PRKCA: variants seen among roughly 807,000 people sequenced by gnomAD.
The protein encoded by PRKCA is protein kinase C alpha, also known as protein kinase C alpha type.
Under a neutral mutation model 87.0 loss-of-function variants are expected in PRKCA, and 27 were observed. That is an observed-to-expected ratio of 0.31 (90% CI 0.23 to 0.43). The LOEUF is 0.43. PRKCA is among the 20% of genes least tolerant of loss of function. The pLI is 1.00. For synonymous variants in PRKCA, 329 were observed against 311.1 expected (o/e 1.06, Z -0.61); for missense variants, 518 against 852.3 (o/e 0.61, Z 4.88).
chr17:66,507,715 G>A (rs1181154883), intron 3 of PRKCA, among the ~76,000 whole-genome samples: 1 of 152,168 alleles, frequency 6.6e-6, no homozygotes, highest in Non-Finnish European at 1.5e-5. Context: ...TCCGTTTCAA[G>A]TGTCTACACC....
chr17:66,447,495 A>G (rs1914095040), intron 2 of PRKCA, among the ~76,000 whole-genome samples: 1 of 152,172 alleles, frequency 6.6e-6, no homozygotes, highest in Non-Finnish European at 1.5e-5. Flanking sequence ...TAATTTGAAT[A>G]GTAAAATGTG....
At chr17:66,305,841 A>G (rs1222469051) in intron 1 of PRKCA, among the ~76,000 whole-genome samples, 2 of 152,202 alleles carry the variant, frequency 1.3e-5, no homozygotes, top group Middle Eastern at 3.2e-3. Flanking sequence ...TATTGATAAC[A>G]TAGTATAAAA....
intron 2 of PRKCA, among the ~76,000 whole-genome samples, chr17:66,456,044 A>C (rs1359830647): frequency 6.6e-6 from 1 of 152,062 alleles, no homozygotes; most frequent in East Asian, 1.9e-4. Context: ...AGAGACACAC[A>C]GGAGGAAGGC....
intron 2 of PRKCA, among the ~76,000 whole-genome samples, chr17:66,314,849 C>T (rs1905225421): frequency 7.0e-6 from 1 of 142,128 alleles, no homozygotes. Flanking sequence ...ATTTCTTTCT[C>T]TCTCTCTCTC....
intron 2 of PRKCA, among the ~76,000 whole-genome samples, chr17:66,375,152 CA>C (rs1200098789): frequency 2.0e-5 from 3 of 152,112 alleles, no homozygotes; most frequent in Non-Finnish European, 1.5e-5. Flanking sequence ...TGGAAGATTT[CA>C]GGTGAGCAGA....
At chr17:66,671,552 A>G (rs1318641790) in intron 5 of PRKCA, among the ~76,000 whole-genome samples, 1 of 152,214 alleles carries the variant, frequency 6.6e-6, no homozygotes. Flanking sequence ...TAACAGATTA[A>G]ACTGCCCACC....
intron 5 of PRKCA, among the ~76,000 whole-genome samples, chr17:66,684,826 C>T (rs1972581353): frequency 6.6e-6 from 1 of 152,212 alleles, no homozygotes; most frequent in Non-Finnish European, 1.5e-5. Flanking sequence ...CCTTCTGCAG[C>T]CTCCAGTATT....
intron 2 of PRKCA, among the ~76,000 whole-genome samples, chr17:66,356,630 A>AG (rs1324259657): frequency 6.6e-6 from 1 of 152,214 alleles, no homozygotes; most frequent in African/African-American, 2.4e-5. Context: ...TCTCAAAAAA[A>AG]CAAAAACAAA....
At chr17:66,349,926 A>G (rs943360800) in intron 2 of PRKCA, among the ~76,000 whole-genome samples, 4 of 152,028 alleles carry the variant, frequency 2.6e-5, no homozygotes, top group African/African-American at 9.7e-5. Flanking sequence ...CCATTCCCTT[A>G]TCACATGGCG....
chr17:66,541,132 T>C (rs1314946726), intron 3 of PRKCA, among the ~76,000 whole-genome samples: 2 of 152,176 alleles, frequency 1.3e-5, no homozygotes, highest in South Asian at 2.1e-4. Flanking sequence ...TCTGATTCTT[T>C]GGAAGCACGA....
intron 8 of PRKCA, among the ~76,000 whole-genome samples, chr17:66,720,562 G>T (rs993769006): frequency 6.6e-6 from 1 of 152,206 alleles, no homozygotes. Flanking sequence ...TGCAGTGGGT[G>T]CAGGTAAAGG....
intron 2 of PRKCA, among the ~76,000 whole-genome samples, chr17:66,317,436 C>T (rs1462713423): frequency 6.6e-6 from 1 of 152,134 alleles, no homozygotes; most frequent in Admixed American, 6.5e-5. Context: ...GTACTACCAC[C>T]CCATGGGTGG....
intron 3 of PRKCA, among the ~76,000 whole-genome samples, chr17:66,579,872 TA>T (rs1030014605): frequency 5.2e-4 from 77 of 149,348 alleles, no homozygotes; most frequent in African/African-American, 1.1e-3. Flanking sequence ...CACCGAAGGT[TA>T]AAAAAAAAAT....
intron 2 of PRKCA, among the ~76,000 whole-genome samples, chr17:66,465,315 C>T (rs1915037575): frequency 6.6e-6 from 1 of 152,110 alleles, no homozygotes; most frequent in Non-Finnish European, 1.5e-5. Context: ...CTGATAGCAT[C>T]GGGTAATTCT....
At chr17:66,402,444 T>G (rs1911094178) in intron 2 of PRKCA, among the ~76,000 whole-genome samples, 1 of 145,098 alleles carries the variant, frequency 6.9e-6, no homozygotes. Context: ...TTAAAGAATA[T>G]GAGAGACTTG....
intron 3 of PRKCA, among the ~76,000 whole-genome samples, chr17:66,506,274 C>T (rs531294411): frequency 1.6e-4 from 24 of 150,440 alleles, no homozygotes; most frequent in South Asian, 4.2e-4. Context: ...GCAGTCTGGG[C>T]GACACGGTGA....
chr17:66,635,737 A>G (rs570045262), intron 3 of PRKCA, among the ~76,000 whole-genome samples: 5 of 152,330 alleles, frequency 3.3e-5, no homozygotes, highest in African/African-American at 1.2e-4. Flanking sequence ...CATATGTAGT[A>G]CAGTAAATGC....
At chr17:66,531,737 A>G (rs1172730993) in intron 3 of PRKCA, among the ~76,000 whole-genome samples, 3 of 152,200 alleles carry the variant, frequency 2.0e-5, no homozygotes, top group Admixed American at 1.3e-4. Flanking sequence ...TGTGTCGTGT[A>G]TTATTGGCAG....
Position 66,805,173 on chromosome 17 carries a change from A to G in PRKCA, c.*1136A>G, listed in dbSNP as rs1484482736. Reference sequence around the variant, plus strand: ...GGTTCCCATTTCTAGTTCACGTTGAATGACAGGCCTGGAGCTGTAGAATCA... The same window carrying G: ...GGTTCCCATTTCTAGTTCACGTTGAGTGACAGGCCTGGAGCTGTAGAATCA... On this transcript the variant is annotated 3_prime_UTR_variant, in exon 17 of 17. Transcript: ENST00000413366. 5.2e-6 allele frequency: 5 copies of G among 964,234 alleles called. No homozygotes were observed. Among genetic ancestry groups the G allele is most frequent in the Non-Finnish European group, 6.2e-6 (5 of 810,658 alleles). 59.7% of individuals were successfully genotyped at this position (964,234 alleles called of 1,614,324 possible).
Sources: allele counts gnomAD v4.1 joint callset (sites outside exome capture counted in the v4.1 genomes callset), GRCh38; gene constraint gnomAD v4.1.1; transcripts MANE v1.5; gene names NCBI Gene and HGNC (gene_info 2026-07-23, HGNC 2026-07-21).